Variants in ST6GAL1 observed in about 807,000 individuals in gnomAD.
ST6GAL1 encodes the protein beta-galactoside alpha-2,6-sialyltransferase 1.
Under a neutral mutation model 38.0 loss-of-function variants are expected in ST6GAL1, and 20 were observed. That is an observed-to-expected ratio of 0.53 (90% CI 0.37 to 0.77). The LOEUF (loss-of-function observed/expected upper bound fraction) is 0.77, where lower values mean the gene tolerates loss of function less well. ST6GAL1 is among the 30% of genes least tolerant of loss of function. The pLI is 0.00. For missense variants in ST6GAL1, 432 were observed against 496.4 expected, an observed-to-expected ratio of 0.87 and a Z score of 1.23; for synonymous variants, 196 against 188.2, an observed-to-expected ratio of 1.04 and a Z score of -0.34.
Position 187,075,919 on chromosome 3 carries a change from C to G in ST6GAL1, c.*116C>G. ...AGCCTGCTCCTTTTACTCTAGGGGC[C>G]TCTGTCAGCAAGACCATGGGGACTT... On this transcript the variant is annotated 3_prime_UTR_variant, in exon 8 of 8. Coordinates refer to ENST00000169298, the MANE Select transcript of ST6GAL1 (RefSeq NM_173216.2). The surrounding 1 kb of genome is among the most constrained non-coding windows in gnomAD (Gnocchi z 4.1). 1 of 1,464,836 alleles carries G rather than the reference C, an allele frequency of 6.8e-7. No individual in the cohort carries two copies. The highest frequency in any genetic ancestry group is 9.1e-7 in the Non-Finnish European group (1 of 1,097,422). 90.7% of individuals were successfully genotyped at this position (1,464,836 alleles called of 1,614,324 possible).
intron 3 of ST6GAL1, among the ~76,000 whole-genome samples, chr3:187,039,775 A>G (rs1718066162): frequency 6.6e-6 from 1 of 152,222 alleles, no homozygotes; most frequent in African/African-American, 2.4e-5. Context: ...TCTTGCAGTT[A>G]TAAGTGCCTG....
Position 187,043,022 on chromosome 3 carries a change from C to T in ST6GAL1, c.319C>T (p.Pro107Ser), listed in dbSNP as rs1406972256. The T allele has an allele frequency of 3.1e-6, 5 of 1,614,126 alleles. No homozygotes were observed. Among genetic ancestry groups the T allele is most frequent in the African/African-American group, 1.3e-5 (1 of 75,032 alleles). Reference sequence around the variant, plus strand: ...GGACAGCTCTTCCAAAAACCTTATCCCTAGGCTGCAAAAGATCTGGAAGAA... The same window carrying T: ...GGACAGCTCTTCCAAAAACCTTATCTCTAGGCTGCAAAAGATCTGGAAGAA... The part of the protein sequence containing the change: ...NKDSSSKNLI[P>S]RLQKIWKNYL... The change falls in exon 4 of 8, where the codon CCT (proline) becomes TCT (serine). Residue 107 changes from proline (P) to serine (S), a missense_variant. Physicochemically the swap from Pro to Ser is moderately conservative, Grantham distance 74. Transcript: ENST00000169298.
At chr3:186,984,631 C>T (rs1377155918) in intron 2 of ST6GAL1, among the ~76,000 whole-genome samples, 1 of 152,122 alleles carries the variant, frequency 6.6e-6, no homozygotes, top group Non-Finnish European at 1.5e-5. Flanking sequence ...CAAATGTCCC[C>T]TTCTCAGTGA....
chr3:186,931,850 G>C (rs1369742817), intron 1 of ST6GAL1, among the ~76,000 whole-genome samples: 1 of 152,228 alleles, frequency 6.6e-6, no homozygotes, highest in East Asian at 1.9e-4. Context: ...ACAATTTTCA[G>C]TTCTGAGTTT....
In ST6GAL1 at chr3:187,043,057, C is replaced by T. The variant is rs1269882774; in HGVS notation, c.354C>T (p.Ser118=). Residue 118 remains serine (S), a synonymous_variant, in exon 4 of 8, where the codon AGC becomes AGT. Coordinates refer to ENST00000169298, the MANE Select transcript of ST6GAL1 (RefSeq NM_173216.2). ...RLQKIWKNYL[S]MNKYKVSYKG... The stretch of plus-strand genomic sequence containing the variant: ...AAAAGATCTGGAAGAATTACCTAAG[C>T]ATGAACAAGTACAAAGTGTCCTACA... 6.2e-6 allele frequency: 10 copies of T among 1,614,092 alleles called. No individual in the cohort carries two copies. The highest frequency in any genetic ancestry group is 8.5e-6 in the Non-Finnish European group (10 of 1,180,040).
At position 187,043,135 on chromosome 3, in the gene ST6GAL1, C is replaced by T. The variant is rs750265070; in HGVS notation, c.432C>T (p.Leu144=). 1.9e-6 allele frequency: 3 copies of T among 1,614,236 alleles called. No individual in the cohort carries two copies. The highest frequency in any genetic ancestry group is 2.2e-5 in the East Asian group (1 of 44,886). The change falls in exon 4 of 8, where the codon CTC becomes CTT. Residue 144 remains leucine (L), a synonymous_variant. Coordinates refer to ENST00000169298, the MANE Select transcript of ST6GAL1 (RefSeq NM_173216.2). The part of the protein sequence containing the change: ...KFSAEALRCH[L]RDHVNVSMVE... Reference sequence around the variant, plus strand: ...GTGCAGAGGCCCTGCGCTGCCACCTCCGGGACCATGTGAATGTATCCATGG... The same window carrying T: ...GTGCAGAGGCCCTGCGCTGCCACCTTCGGGACCATGTGAATGTATCCATGG...
intron 1 of ST6GAL1, among the ~76,000 whole-genome samples, chr3:186,950,494 C>T (rs1271878795): frequency 6.6e-6 from 1 of 152,174 alleles, no homozygotes; most frequent in Non-Finnish European, 1.5e-5. Context: ...AGGAGTGGGC[C>T]TCCTCAGAGG....
intron 2 of ST6GAL1, chr3:186,996,777 T>G: frequency 6.6e-6 from 1 of 152,320 alleles, no homozygotes; most frequent in East Asian, 1.9e-4. Context: ...CATGCACACC[T>G]TTCTGCTCTC....
chr3:187,039,942 T>G (rs1377021692), intron 3 of ST6GAL1, among the ~76,000 whole-genome samples: 1 of 152,204 alleles, frequency 6.6e-6, no homozygotes, highest in Non-Finnish European at 1.5e-5. Context: ...GTTGCAAGAC[T>G]GTCGCTAGAC....
rs78974566 is a variant in ST6GAL1, at chr3:187,016,030, G to A, written c.-182-22712G>A. On this transcript the variant is annotated intron_variant, in intron 2 of 7. Coordinates refer to ENST00000169298, the MANE Select transcript of ST6GAL1 (RefSeq NM_173216.2). ...CTGTGGTGAGATTGAATGAGCTGTCGGATGTCCAGACCTGGCACAGTGCCT... is the reference window on the plus strand; with the variant it reads ...CTGTGGTGAGATTGAATGAGCTGTCAGATGTCCAGACCTGGCACAGTGCCT... 7.0e-3 allele frequency among the ~76,000 whole-genome samples: 1,063 copies of A among 152,280 alleles called. 17 individuals are homozygous for A. Among genetic ancestry groups the A allele is most frequent in the South Asian group, 0.025 (121 of 4,824 alleles).
rs186429561 is a variant in ST6GAL1, at chr3:186,950,449, A to G, written c.-324-13336A>G. 1.1e-3 allele frequency among the ~76,000 whole-genome samples: 169 copies of G among 152,346 alleles called. 5 individuals are homozygous for G. Among genetic ancestry groups the G allele is most frequent in the Admixed American group, 9.9e-3 (152 of 15,304 alleles). ...CACTTGTCATCCCAGTGATCTCTCCATAGGTATCTGGGCTCCAGGCTTAGG... is the reference window on the plus strand; with the variant it reads ...CACTTGTCATCCCAGTGATCTCTCCGTAGGTATCTGGGCTCCAGGCTTAGG... On this transcript the variant is annotated intron_variant, in intron 1 of 7. Transcript: ENST00000169298.
rs1037180277 is a variant in ST6GAL1 at position 187,077,830 on chromosome 3, G to C, written c.*2027G>C. ...AGGTCCTGTCCTCAGGGAATTAACT[G>C]TCTTATTGGGAGACAACAACTGTCC... On this transcript the variant is annotated 3_prime_UTR_variant, in exon 8 of 8. Transcript: ENST00000169298. The C allele has an allele frequency of 1.3e-5, 2 of 152,430 alleles. No homozygotes were observed. Among genetic ancestry groups the C allele is most frequent in the Non-Finnish European group, 2.9e-5 (2 of 68,158 alleles). The allele number at this position is 152,430 out of a possible 1,614,324, so 9.4% of individuals were successfully genotyped here. A position where few individuals can be genotyped will look rare whatever the true frequency, so the allele number is the denominator to read the frequency against.
chr3:187,018,203 C>G (rs1418890096), intron 2 of ST6GAL1, among the ~76,000 whole-genome samples: 2 of 151,996 alleles, frequency 1.3e-5, no homozygotes, highest in Non-Finnish European at 2.9e-5. Context: ...TTCCTGATTT[C>G]TAAACACATG....
chr3:186,993,163 C>A (rs974278542), intron 2 of ST6GAL1, among the ~76,000 whole-genome samples: 10 of 152,188 alleles, frequency 6.6e-5, no homozygotes, highest in Non-Finnish European at 1.0e-4. Context: ...TCGATAAACA[C>A]CTGCATGGGG....
intron 2 of ST6GAL1, among the ~76,000 whole-genome samples, chr3:186,998,429 AG>A (rs1463527370): frequency 6.6e-6 from 1 of 152,230 alleles, no homozygotes; most frequent in East Asian, 1.9e-4. Context: ...CATAAGAAAG[AG>A]AAAATGTATT....
chr3:187,004,148 G>C (rs1716707594), intron 2 of ST6GAL1, among the ~76,000 whole-genome samples: 2 of 152,218 alleles, frequency 1.3e-5, no homozygotes, highest in African/African-American at 2.4e-5. Context: ...CTTTCGCCAT[G>C]TGATGTGCCT....
At chr3:186,937,935 G>A (rs1160044838) in intron 1 of ST6GAL1, among the ~76,000 whole-genome samples, 7 of 152,140 alleles carry the variant, frequency 4.6e-5, no homozygotes, top group Non-Finnish European at 8.8e-5. Context: ...ACAGCCAGGC[G>A]TGGTGGCGGG....
chr3:186,987,140 A>AGAAG (rs1410059245), intron 2 of ST6GAL1, among the ~76,000 whole-genome samples: 1 of 130,572 alleles, frequency 7.7e-6, no homozygotes, highest in Non-Finnish European at 1.6e-5. Context: ...AAGGAAAGAA[A>AGAAG]GAAGGAAGGG....
rs572753075 is a variant in ST6GAL1, at chr3:186,949,617, A to G, written c.-324-14168A>G. ...TGCCCTTGTCTCCCCAGCCAGATCC[A>G]GTGACTCACAGTAGGAGGGCTTGGA... On this transcript the variant is annotated intron_variant, in intron 1 of 7. Coordinates refer to ENST00000169298, the MANE Select transcript of ST6GAL1 (RefSeq NM_173216.2). 6.1e-4 allele frequency among the ~76,000 whole-genome samples: 93 copies of G among 152,340 alleles called. 1 individual carries two copies. In the South Asian group the frequency reaches 0.019, roughly 30 times the overall value.
Sources: allele counts gnomAD v4.1 joint callset (sites outside exome capture counted in the v4.1 genomes callset), GRCh38; gene constraint gnomAD v4.1.1; non-coding constraint Gnocchi (gnomAD v3.1); transcripts MANE v1.5; gene names NCBI Gene and HGNC (gene_info 2026-07-23, HGNC 2026-07-21).